FHIP1A: variants seen among roughly 807,000 people sequenced by gnomAD.
The protein encoded by FHIP1A is FHF complex subunit HOOK-interacting protein 1A.
In FHIP1A, 61 loss-of-function variants were observed where a neutral mutation model predicts 88.6. The ratio of observed to expected loss-of-function variants is 0.69; its 90% CI spans 0.56 to 0.85. FHIP1A has a LOEUF of 0.85. FHIP1A is among the 40% of genes least tolerant of loss of function. FHIP1A has a pLI of 0.00. For synonymous variants in FHIP1A, 478 were observed against 496.0 expected (o/e 0.96, Z 0.48); for missense variants, 1,154 against 1,273.5 (o/e 0.91, Z 1.43).
intron 2 of FHIP1A, among the ~76,000 whole-genome samples, 171 bp downstream of exon 2, chr4:151,454,979 T>A (rs1381503113): frequency 1.3e-5 from 2 of 152,118 alleles, no homozygotes; most frequent in African/African-American, 2.4e-5. Context: ...TTCACTGTGG[T>A]TTGGAACAGA....
At position 151,423,515 on chromosome 4, in the gene FHIP1A, A is replaced by G. The variant is rs577403677; in HGVS notation, c.-356+14050A>G. On this transcript the variant is annotated intron_variant, in intron 1 of 13. Transcript: ENST00000435205. The stretch of plus-strand genomic sequence containing the variant: ...TATGTTTCAAATCTCTGATCTACCA[A>G]TTGGTAAATATGTGACCTTGCACAA... 7.6e-4 allele frequency among the ~76,000 whole-genome samples: 115 copies of G among 152,314 alleles called. 1 individual carries two copies. Among genetic ancestry groups the G allele is most frequent in the African/African-American group, 2.6e-3 (107 of 41,578 alleles).
rs200504333 is a variant in FHIP1A at position 151,415,132 on chromosome 4, G to GT, written c.-356+5675dup. On this transcript the variant is annotated intron_variant, in intron 1 of 13. Coordinates refer to ENST00000435205, the MANE Select transcript of FHIP1A (RefSeq NM_001109977.3). ...CATACATGCACATCATTCTCATTTT[G>GT]TTTTTTTTACTGGCTGTATAGTAAT... Among the ~76,000 whole-genome samples, 222 of 146,272 alleles carry GT rather than the reference G, an allele frequency of 1.5e-3. 1 individual carries two copies. Among genetic ancestry groups the GT allele is most frequent in the African/African-American group, 4.4e-3 (176 of 40,012 alleles).
chr4:151,506,886 A>G lies in FHIP1A; in HGVS notation c.-123+24238A>G, dbSNP rs553163158. On this transcript the variant is annotated intron_variant, in intron 3 of 13. Transcript: ENST00000435205. ...TGGGAAGAGATTTAGAATTGTAATT[A>G]TTTTTTAAATTTATTTACAAACAAC... 3.3e-5 allele frequency among the ~76,000 whole-genome samples: 5 copies of G among 152,230 alleles called. No individual in the cohort carries two copies. In the South Asian group the frequency reaches 6.2e-4, roughly 19 times the overall value.
chr4:151,606,972 G>T (rs1735097510), intron 7 of FHIP1A, among the ~76,000 whole-genome samples: 1 of 152,202 alleles, frequency 6.6e-6, no homozygotes, highest in South Asian at 2.1e-4. Flanking sequence ...CAGCTTTACA[G>T]GCAGGCGCTG....
At chr4:151,602,925 C>T (rs939380606) in intron 7 of FHIP1A, among the ~76,000 whole-genome samples, 2 of 152,174 alleles carry the variant, frequency 1.3e-5, no homozygotes, top group Non-Finnish European at 2.9e-5. Flanking sequence ...AACCTTTCTA[C>T]ACTACCTAAA....
At chr4:151,431,816 G>T (rs1234869890) in intron 1 of FHIP1A, among the ~76,000 whole-genome samples, 1 of 152,224 alleles carries the variant, frequency 6.6e-6, no homozygotes, top group African/African-American at 2.4e-5. Flanking sequence ...GATAATAAAG[G>T]ATTCAGGATG....
At chr4:151,424,537 G>A (rs1170799644) in intron 1 of FHIP1A, among the ~76,000 whole-genome samples, 1 of 152,172 alleles carries the variant, frequency 6.6e-6, no homozygotes, top group African/African-American at 2.4e-5. Flanking sequence ...ATGGTTTGAA[G>A]TAGTTGGTTT....
intron 2 of FHIP1A, among the ~76,000 whole-genome samples, chr4:151,466,045 C>G (rs1166265329): frequency 6.6e-6 from 1 of 152,144 alleles, no homozygotes; most frequent in Non-Finnish European, 1.5e-5. Flanking sequence ...GTCAAATTGT[C>G]TGTTTGCAGA....
chr4:151,622,246 A>G (rs1735774641), intron 7 of FHIP1A, among the ~76,000 whole-genome samples: 1 of 152,236 alleles, frequency 6.6e-6, no homozygotes, highest in Admixed American at 6.5e-5. Context: ...TTGGGGGGAC[A>G]GCATTTCTCC....
At chr4:151,457,345 T>G (rs1462785013) in intron 2 of FHIP1A, among the ~76,000 whole-genome samples, 1 of 152,212 alleles carries the variant, frequency 6.6e-6, no homozygotes, top group Admixed American at 6.5e-5. Flanking sequence ...GACAGGTGCA[T>G]TTGGAACAGG....
chr4:151,471,769 C>T (rs1368136414), intron 2 of FHIP1A, among the ~76,000 whole-genome samples: 1 of 152,260 alleles, frequency 6.6e-6, no homozygotes, highest in African/African-American at 2.4e-5. Flanking sequence ...TTACCCTCTT[C>T]CCACCCATTC....
intron 2 of FHIP1A, among the ~76,000 whole-genome samples, chr4:151,468,808 A>G (rs767764772): frequency 2.8e-5 from 4 of 142,916 alleles, no homozygotes; most frequent in Non-Finnish European, 6.2e-5. Flanking sequence ...CCGCCTGTCT[A>G]CTGTGAAGGT....
chr4:151,492,601 A>AG (rs1262857217), intron 3 of FHIP1A, among the ~76,000 whole-genome samples: 1 of 151,932 alleles, frequency 6.6e-6, no homozygotes, highest in Non-Finnish European at 1.5e-5. Context: ...CAAAAAAAAA[A>AG]AAAAAAGAAA....
chr4:151,653,270 C>T (rs899984443), intron 11 of FHIP1A, among the ~76,000 whole-genome samples: 3 of 152,022 alleles, frequency 2.0e-5, no homozygotes, highest in Admixed American at 6.5e-5. Context: ...TTTTGTGGTC[C>T]TGAGATGAGA....
At chr4:151,522,934 A>G (rs962280117) in intron 3 of FHIP1A, among the ~76,000 whole-genome samples, 3 of 152,156 alleles carry the variant, frequency 2.0e-5, no homozygotes, top group African/African-American at 7.2e-5. Context: ...TTTGTGATCA[A>G]TTTAGCTGTC....
chr4:151,550,145 A>C (rs544829019), intron 3 of FHIP1A, among the ~76,000 whole-genome samples: 1 of 152,188 alleles, frequency 6.6e-6, no homozygotes, highest in East Asian at 1.9e-4. Flanking sequence ...TACGGGGTAC[A>C]TGAGCTGTTT....
chr4:151,634,198 A>G (rs919823424), intron 8 of FHIP1A, among the ~76,000 whole-genome samples: 1 of 151,880 alleles, frequency 6.6e-6, no homozygotes, highest in Non-Finnish European at 1.5e-5. Flanking sequence ...ATACTTAGGA[A>G]TAAACTTAAC....
intron 3 of FHIP1A, among the ~76,000 whole-genome samples, chr4:151,493,635 G>A (rs1184367526): frequency 6.6e-6 from 1 of 152,158 alleles, no homozygotes; most frequent in Non-Finnish European, 1.5e-5. Flanking sequence ...ATGATCAAGT[G>A]GATTTCATAC....
In FHIP1A at chr4:151,542,658, T is replaced by C. The variant is rs76027582; in HGVS notation, c.-122-23480T>C. 8.3e-3 allele frequency among the ~76,000 whole-genome samples: 1,267 copies of C among 152,324 alleles called. 20 individuals are homozygous for C. Among genetic ancestry groups the C allele is most frequent in the African/African-American group, 0.03 (1,227 of 41,566 alleles). ...CCCAGTTGCCTCATGAACTGGCCCC[T>C]GACTCCCTTGCCTGGCTGTCATTAC... On this transcript the variant is annotated intron_variant, in intron 3 of 13. Transcript: ENST00000435205.
Sources: gnomAD v4.1 joint callset for allele counts (sites outside exome capture counted in the v4.1 genomes callset) on GRCh38, gnomAD v4.1.1 for gene constraint, MANE v1.5 for transcripts, NCBI Gene and HGNC (gene_info 2026-07-23, HGNC 2026-07-21) for gene names.